CNOT2: variants seen among roughly 807,000 people sequenced by gnomAD.
CNOT2 encodes the protein CC chemokine receptor 4-negative regulator of transcription 2.
Under a neutral mutation model 72.1 loss-of-function variants are expected in CNOT2, and 7 were observed. That is an observed-to-expected ratio of 0.10 (90% CI 0.06 to 0.18). CNOT2 has a LOEUF of 0.18. Among genes scored for constraint, CNOT2 ranks in the 10% least tolerant of loss-of-function variants. The probability of loss-of-function intolerance (pLI) is 1.00; values close to 1 mark genes in which losing one functional copy is unlikely to be tolerated. For missense variants in CNOT2, 345 were observed against 660.3 expected, an observed-to-expected ratio of 0.52 and a Z score of 5.23; for synonymous variants, 196 against 225.6, an observed-to-expected ratio of 0.87 and a Z score of 1.17.
At chr12:70,245,007 G>A (rs1275191258) in intron 1 of CNOT2, among the ~76,000 whole-genome samples, 1 of 152,158 alleles carries the variant, frequency 6.6e-6, no homozygotes, top group African/African-American at 2.4e-5. Context: ...TGTTGAGTTT[G>A]GGAATGCTTG....
intron 1 of CNOT2, among the ~76,000 whole-genome samples, chr12:70,270,236 A>G (rs920801230): frequency 1.3e-5 from 2 of 152,170 alleles, no homozygotes; most frequent in East Asian, 3.8e-4. Flanking sequence ...CAGGGAATAC[A>G]GGTATCCCCT....
rs35192504 is a variant in CNOT2, at chr12:70,353,913, TAAAAA to T, written c.*19_*23del. 4.3e-4 allele frequency: 549 copies of T among 1,274,416 alleles called. No homozygotes were observed. The highest frequency in any genetic ancestry group is 1.1e-3 in the East Asian group (36 of 32,270). The allele number at this position is 1,274,416 out of a possible 1,614,324, so 78.9% of individuals were successfully genotyped here. A position where few individuals can be genotyped will look rare whatever the true frequency, so the allele number is the denominator to read the frequency against. ...CTACAACCCTGCTCAGCAAGCCTTC[TAAAAA>T]AAAAAAAAAAAAAAAAAAAAGACTT... On this transcript the variant is annotated stop_retained_variant and 3_prime_UTR_variant, in exon 16 of 16. Transcript: ENST00000229195.
Position 70,338,454 on chromosome 12 carries a change from A to G in CNOT2, c.912A>G (p.Thr304=), listed in dbSNP as rs1164227052. ...TTTTTTCATGCTAGAATTTGAATACATCTGGCAAGACAACTTCAAGTACAG... is the reference window on the plus strand; with the variant it reads ...TTTTTTCATGCTAGAATTTGAATACGTCTGGCAAGACAACTTCAAGTACAG... ...SNDDSKSNLN[T]SGKTTSSTDG... is the part of the protein sequence containing the mutation. Residue 304 remains threonine (T), a synonymous_variant, in exon 10 of 16, where the codon ACA becomes ACG. Coordinates refer to ENST00000229195, the MANE Select transcript of CNOT2 (RefSeq NM_014515.7). The G allele has an allele frequency of 1.9e-6, 3 of 1,606,462 alleles. No individual in the cohort carries two copies. Among genetic ancestry groups the G allele is most frequent in the Non-Finnish European group, 1.7e-6 (2 of 1,177,778 alleles).
chr12:70,266,185 C>G (rs1200279377), intron 1 of CNOT2, among the ~76,000 whole-genome samples: 1 of 151,974 alleles, frequency 6.6e-6, no homozygotes. Context: ...TGGCTCACCA[C>G]AACCTCCACC....
intron 2 of CNOT2, among the ~76,000 whole-genome samples, chr12:70,296,368 T>A (rs1480926419): frequency 6.6e-6 from 1 of 152,046 alleles, no homozygotes; most frequent in Non-Finnish European, 1.5e-5. Context: ...GATTTTTGTG[T>A]GTGTGTGTAT....
chr12:70,352,896 G>C (rs1176535636), intron 15 of CNOT2, among the ~76,000 whole-genome samples: 2 of 151,926 alleles, frequency 1.3e-5, no homozygotes, highest in African/African-American at 4.8e-5. Flanking sequence ...ATTAAAGTGA[G>C]CTGCTATCTA....
chr12:70,271,553 T>C (rs914681328), intron 1 of CNOT2, among the ~76,000 whole-genome samples: 1 of 151,968 alleles, frequency 6.6e-6, no homozygotes, highest in Admixed American at 6.6e-5. Context: ...TTTGTATTTT[T>C]AGTAGAGATG....
intron 3 of CNOT2, among the ~76,000 whole-genome samples, chr12:70,313,978 G>C (rs558967620): frequency 2.5e-4 from 38 of 152,200 alleles, no homozygotes; most frequent in African/African-American, 8.7e-4. Context: ...TAGCTTTGTA[G>C]ACCACTTTAA....
At chr12:70,280,963 C>A (rs1029909777) in intron 2 of CNOT2, among the ~76,000 whole-genome samples, 1 of 152,104 alleles carries the variant, frequency 6.6e-6, no homozygotes, top group Non-Finnish European at 1.5e-5. Context: ...AATGCACCTT[C>A]AGTTTTTGTA....
At chr12:70,257,052 A>G (rs1958489596) in intron 1 of CNOT2, among the ~76,000 whole-genome samples, 1 of 152,154 alleles carries the variant, frequency 6.6e-6, no homozygotes, top group African/African-American at 2.4e-5. Flanking sequence ...TTACTTTTAT[A>G]AATAGCACTG....
intron 15 of CNOT2, among the ~76,000 whole-genome samples, chr12:70,352,207 C>A (rs1194584253): frequency 6.6e-6 from 1 of 151,762 alleles, no homozygotes; most frequent in African/African-American, 2.4e-5. Flanking sequence ...CACATGGAGG[C>A]TTTTTGTCAC....
At position 70,322,044 on chromosome 12, in the gene CNOT2, T is replaced by TC. The variant is rs748227113; in HGVS notation, c.238+2681dup. ...GAAACCAATGAACATACTCTTGTAT[T>TC]CAAGTTGCATAATGTTTCCTATTTG... On this transcript the variant is annotated intron_variant, in intron 4 of 15. Transcript: ENST00000229195. 2.6e-5 allele frequency: 4 copies of TC among 151,842 alleles called. No homozygotes were observed. In the South Asian group the frequency reaches 8.3e-4, roughly 31 times the overall value. The allele number at this position is 151,842 out of a possible 1,614,324, so 9.4% of individuals were successfully genotyped here. A position where few individuals can be genotyped will look rare whatever the true frequency, so the allele number is the denominator to read the frequency against.
At chr12:70,338,588 A>G in intron 10 of CNOT2, 25 bp downstream of exon 10, 3 of 1,601,796 alleles carry the variant, frequency 1.9e-6, no homozygotes, top group Non-Finnish European at 2.5e-6. Context: ...ATCTATGTCA[A>G]AGATATTATA....
intron 1 of CNOT2, among the ~76,000 whole-genome samples, chr12:70,266,315 G>A (rs952479770): frequency 6.6e-6 from 1 of 152,172 alleles, no homozygotes; most frequent in Non-Finnish European, 1.5e-5. Context: ...CAGAGATGGG[G>A]TTTCTCCATG....
At chr12:70,294,314 A>G in intron 2 of CNOT2, 1 of 1,288,474 alleles carries the variant, frequency 7.8e-7, no homozygotes, top group Non-Finnish European at 1.0e-6. Context: ...TGGTGGGGAA[A>G]GCCGGGGGAA....
chr12:70,262,819 G>A (rs1373893598), intron 1 of CNOT2, among the ~76,000 whole-genome samples: 1 of 151,930 alleles, frequency 6.6e-6, no homozygotes, highest in Non-Finnish European at 1.5e-5. Flanking sequence ...GATTACAGGC[G>A]CCTGCCACCA....
intron 2 of CNOT2, among the ~76,000 whole-genome samples, chr12:70,288,330 A>G (rs149392443): frequency 6.6e-6 from 1 of 151,762 alleles, no homozygotes; most frequent in Non-Finnish European, 1.5e-5. Flanking sequence ...TATTTTTAGT[A>G]TGGATGAGGT....
At chr12:70,310,439 C>T (rs193027699) in intron 2 of CNOT2, among the ~76,000 whole-genome samples, 76 of 151,998 alleles carry the variant, frequency 5.0e-4, no homozygotes, top group African/African-American at 1.7e-3. Flanking sequence ...ATTCAAAAAA[C>T]GGTATATTTC....
chr12:70,301,432 A>G (rs1167795088), intron 2 of CNOT2, among the ~76,000 whole-genome samples: 1 of 152,064 alleles, frequency 6.6e-6, no homozygotes, highest in Non-Finnish European at 1.5e-5. Flanking sequence ...TAGCATGAAG[A>G]GCTGTTGAAT....
Sources: allele counts gnomAD v4.1 joint callset (sites outside exome capture counted in the v4.1 genomes callset), GRCh38; gene constraint gnomAD v4.1.1; transcripts MANE v1.5; gene names NCBI Gene and HGNC (gene_info 2026-07-23, HGNC 2026-07-21).